The following IMMP2L variants were observed in gnomAD, a reference collection of about 807,000 sequenced individuals.
IMMP2L encodes the protein mitochondrial inner membrane protease subunit 2.
IMMP2L carries 18 observed loss-of-function variants against 19.3 expected under a neutral mutation model. The observed-to-expected ratio is 0.93, with a 90% CI of 0.64 to 1.38. The LOEUF (loss-of-function observed/expected upper bound fraction) is 1.38. IMMP2L is among the 40% of genes most tolerant of loss of function. The probability of loss-of-function intolerance (pLI) is 0.00; values close to 1 mark genes in which losing one functional copy is unlikely to be tolerated. For synonymous variants in IMMP2L, 76 were observed against 73.0 expected, an observed-to-expected ratio of 1.04 and a Z score of -0.21; for missense variants, 233 against 218.2, an observed-to-expected ratio of 1.07 and a Z score of -0.43.
chr7:111,336,211 A>AT (rs547077322), intron 3 of IMMP2L, among the ~76,000 whole-genome samples: 56,837 of 144,694 alleles, frequency 0.39, 11,241 homozygotes, highest in East Asian at 0.62. Flanking sequence ...CAGGCCGGCT[A>AT]TTTTTTTTTT....
intron 5 of IMMP2L, among the ~76,000 whole-genome samples, chr7:110,815,602 T>C (rs1306461805): frequency 7.2e-5 from 11 of 151,750 alleles, no homozygotes; most frequent in South Asian, 2.1e-4. Flanking sequence ...GTCCTGGACT[T>C]TTTTTGGTTG....
chr7:111,340,844 T>C (rs1326479349), intron 3 of IMMP2L, among the ~76,000 whole-genome samples: 2 of 152,226 alleles, frequency 1.3e-5, no homozygotes, highest in East Asian at 1.9e-4. Context: ...GAGTACTTAC[T>C]ATAAGTACGC....
chr7:111,026,167 GTAATTTTACCTTCATTCTACTACATTGTA>G (rs1354392726), intron 3 of IMMP2L, among the ~76,000 whole-genome samples: 1 of 152,094 alleles, frequency 6.6e-6, no homozygotes, highest in East Asian at 1.9e-4. Flanking sequence ...CAACCATTGT[GTAATTTTACCTTCATTCTACTACATTGTA>G]TAATTTTACC....
Position 110,803,642 on chromosome 7 carries a change from G to A in IMMP2L, c.408+82951C>T, listed in dbSNP as rs1481872375. On this transcript the variant is annotated intron_variant, in intron 5 of 5. Coordinates refer to ENST00000405709, the MANE Select transcript of IMMP2L (RefSeq NM_032549.4). The surrounding 1 kb of genome is among the most constrained non-coding windows in gnomAD (Gnocchi z 4.2). ...TGTGGTTAGTCATTGGATGGGGGGA[G>A]CTCCAGAAATGGGAGTGACCTTGGA... Among the ~76,000 whole-genome samples the A allele has an allele frequency of 6.6e-6, 1 of 152,024 alleles. No individual in the cohort carries two copies. The highest frequency in any genetic ancestry group is 6.6e-5 in the Admixed American group (1 of 15,250).
At chr7:111,332,970 C>A (rs1240721142) in intron 3 of IMMP2L, among the ~76,000 whole-genome samples, 1 of 151,930 alleles carries the variant, frequency 6.6e-6, no homozygotes, top group Admixed American at 6.6e-5. Context: ...ACAGGAGATC[C>A]CTTAGGGTGT....
intron 3 of IMMP2L, among the ~76,000 whole-genome samples, chr7:111,233,122 T>C (rs1005167668): frequency 6.6e-6 from 1 of 152,144 alleles, no homozygotes. Flanking sequence ...AAATGTCTGC[T>C]AGATGAATGT....
chr7:110,886,433 C>T (rs1810227780), intron 5 of IMMP2L, among the ~76,000 whole-genome samples, 160 bp downstream of exon 5: 2 of 151,968 alleles, frequency 1.3e-5, no homozygotes, highest in Admixed American at 6.6e-5. Context: ...GATAGTGTAC[C>T]TTATCTATGA....
intron 4 of IMMP2L, among the ~76,000 whole-genome samples, chr7:110,919,597 G>A (rs1159588967): frequency 4.6e-5 from 7 of 152,048 alleles, no homozygotes; most frequent in South Asian, 2.1e-4. Flanking sequence ...TTTGCATACC[G>A]GAGAGGAGAT....
At chr7:111,260,147 A>AGTTATTT (rs1179908140) in intron 3 of IMMP2L, among the ~76,000 whole-genome samples, 6 of 152,210 alleles carry the variant, frequency 3.9e-5, no homozygotes, top group Non-Finnish European at 5.9e-5. Context: ...AGCCAGTAAC[A>AGTTATTT]GTTATTTGTT....
intron 5 of IMMP2L, among the ~76,000 whole-genome samples, chr7:110,864,060 T>G (rs370411569): frequency 3.9e-5 from 6 of 152,256 alleles, no homozygotes; most frequent in African/African-American, 1.4e-4. Context: ...AAGATAGTTA[T>G]GTAGGATTTG....
At chr7:111,283,348 G>C (rs1232914395) in intron 3 of IMMP2L, among the ~76,000 whole-genome samples, 1 of 152,082 alleles carries the variant, frequency 6.6e-6, no homozygotes, top group Non-Finnish European at 1.5e-5. Context: ...CTAGGAAAAT[G>C]CAAGAAAGAA....
chr7:110,921,864 A>G (rs10227525), intron 4 of IMMP2L, among the ~76,000 whole-genome samples: 5,394 of 152,294 alleles, frequency 0.035, 326 homozygotes, highest in African/African-American at 0.12. Flanking sequence ...GACTACTCCA[A>G]GATAACTTTT....
chr7:110,891,805 G>A (rs775967531), intron 4 of IMMP2L, among the ~76,000 whole-genome samples: 8 of 152,156 alleles, frequency 5.3e-5, no homozygotes, highest in Non-Finnish European at 8.8e-5. Flanking sequence ...ATGAACTGGA[G>A]TAGAATTCAA....
chr7:111,143,636 C>T (rs192857101), intron 3 of IMMP2L, among the ~76,000 whole-genome samples: 1 of 152,074 alleles, frequency 6.6e-6, no homozygotes, highest in African/African-American at 2.4e-5. Flanking sequence ...TTTACAGGCA[C>T]CTCTTACTAA....
intron 2 of IMMP2L, among the ~76,000 whole-genome samples, chr7:111,502,528 GCACCA>G (rs1844396500): frequency 6.6e-6 from 1 of 151,834 alleles, no homozygotes; most frequent in African/African-American, 2.4e-5. Flanking sequence ...TTTTTTTTCA[GCACCA>G]CACCACACCT....
intron 3 of IMMP2L, among the ~76,000 whole-genome samples, chr7:111,401,814 T>C (rs920055945): frequency 9.9e-5 from 15 of 152,140 alleles, no homozygotes; most frequent in African/African-American, 3.6e-4. Flanking sequence ...AGGAAGACTA[T>C]AGGCTCATTA....
chr7:110,741,948 A>T (rs1474407917), intron 5 of IMMP2L, among the ~76,000 whole-genome samples: 2 of 152,230 alleles, frequency 1.3e-5, no homozygotes, highest in Non-Finnish European at 2.9e-5. Flanking sequence ...AAATAATCAT[A>T]GAATCTAGAA....
chr7:111,312,389 T>C (rs1458243036), intron 3 of IMMP2L, among the ~76,000 whole-genome samples: 1 of 152,172 alleles, frequency 6.6e-6, no homozygotes, highest in Non-Finnish European at 1.5e-5. Context: ...CAACTTGTAC[T>C]GTGATTCTAT....
At chr7:111,498,082 C>A (rs1843765551) in intron 2 of IMMP2L, among the ~76,000 whole-genome samples, 1 of 151,816 alleles carries the variant, frequency 6.6e-6, no homozygotes, top group Non-Finnish European at 1.5e-5. Flanking sequence ...CCTCTTATTA[C>A]TAATATTTTT....
Sources: allele counts gnomAD v4.1 joint callset (sites outside exome capture counted in the v4.1 genomes callset), GRCh38; gene constraint gnomAD v4.1.1; non-coding constraint Gnocchi (gnomAD v3.1); transcripts MANE v1.5; gene names NCBI Gene and HGNC (gene_info 2026-07-23, HGNC 2026-07-21).